The following DSN1 variants were observed in gnomAD, a reference collection of about 807,000 sequenced individuals.
The protein encoded by DSN1 is kinetochore-associated protein DSN1 homolog.
A neutral mutation model predicts 45.7 loss-of-function variants in DSN1; 31 were observed. That is an observed-to-expected ratio of 0.68 (90% confidence interval 0.51 to 0.92). DSN1 has a LOEUF of 0.92. Ranked by LOEUF, DSN1 falls within the 40% of genes least tolerant of loss-of-function variation. The pLI is 0.00. For missense variants in DSN1, 394 were observed against 414.2 expected (o/e 0.95, Z 0.42); for synonymous variants, 134 against 142.3 (o/e 0.94, Z 0.41).
intron 10 of DSN1, among the ~76,000 whole-genome samples, chr20:36,754,402 G>C (rs1215070511): frequency 6.6e-6 from 1 of 152,144 alleles, no homozygotes; most frequent in Non-Finnish European, 1.5e-5. Context: ...CAATAATTTA[G>C]GGCTGGAAGG....
At chr20:36,773,504 C>T in intron 1 of DSN1, 158 bp downstream of exon 1, 1 of 985,756 alleles carries the variant, frequency 1.0e-6, no homozygotes. Flanking sequence ...GCAGCGCCCT[C>T]GGGGACCCCC....
At chr20:36,757,036 G>C (rs1237578155) in intron 8 of DSN1, among the ~76,000 whole-genome samples, 2 of 152,094 alleles carry the variant, frequency 1.3e-5, no homozygotes, top group Non-Finnish European at 2.9e-5. Context: ...TAAAACCATG[G>C]TTTAAATGTT....
chr20:36,754,192 G>A (rs926038189), intron 10 of DSN1, among the ~76,000 whole-genome samples: 2 of 151,962 alleles, frequency 1.3e-5, no homozygotes, highest in Non-Finnish European at 2.9e-5. Context: ...GCTGGGTGTG[G>A]TGGTGGTGGT....
Position 36,752,667 on chromosome 20 carries a change from A to G in DSN1, c.*121T>C. On this transcript the variant is annotated 3_prime_UTR_variant, in exon 11 of 11. Coordinates refer to ENST00000373750, the MANE Select transcript of DSN1 (RefSeq NM_001145315.2). ...TTTTTGAAAAAAGTCAAAGTGTTCT[A>G]CAGTCAGTCCTGCCAGTTATCTTCA... The G allele has an allele frequency of 1.3e-6, 1 of 746,722 alleles. No homozygotes were observed. The highest frequency in any genetic ancestry group is 1.7e-5 in the South Asian group (1 of 58,530). The allele number at this position is 746,722 out of a possible 1,614,324, so 46.3% of individuals were successfully genotyped here. A position where few individuals can be genotyped will look rare whatever the true frequency, so the allele number is the denominator to read the frequency against.
chr20:36,760,009 C>G (rs1260173970), intron 6 of DSN1, among the ~76,000 whole-genome samples: 1 of 151,626 alleles, frequency 6.6e-6, no homozygotes, highest in East Asian at 1.9e-4. Context: ...TCTAGGAGAC[C>G]GAGGCAGGCG....
intron 6 of DSN1, among the ~76,000 whole-genome samples, chr20:36,759,180 A>G (rs1372515829): frequency 1.3e-5 from 2 of 148,606 alleles, no homozygotes; most frequent in Admixed American, 6.7e-5. Flanking sequence ...ACGGGGTTTC[A>G]CTATGTTGGC....
At chr20:36,767,824 C>T (rs550252304) in intron 4 of DSN1, 145 bp downstream of exon 4, 2 of 712,704 alleles carry the variant, frequency 2.8e-6, no homozygotes, top group South Asian at 3.3e-5. Flanking sequence ...ATCACTTGAA[C>T]CTGGGAGGCG....
chr20:36,771,083 A>T lies in DSN1; in HGVS notation c.145T>A (p.Ser49Thr). The T allele has an allele frequency of 1.2e-6, 2 of 1,614,198 alleles. No individual in the cohort carries two copies. The highest frequency in any genetic ancestry group is 1.7e-6 in the Non-Finnish European group (2 of 1,180,038). ...GAGCCAAGGTGAATTCTTTCCTCTG[A>T]AACGCCTTGATTCATCTCCAGGGAG... is the stretch of plus-strand genomic sequence containing the variant. ...SASLEMNQGV[S>T]EERIHLGSSP... Residue 49 changes from serine to threonine, a missense_variant, in exon 3 of 11, where the codon TCA (serine) becomes ACA (threonine). Ser to Thr is a moderately conservative substitution (Grantham distance 58). Coordinates refer to ENST00000373750, the MANE Select transcript of DSN1 (RefSeq NM_001145315.2).
chr20:36,758,509 TC>T, intron 7 of DSN1, 48 bp downstream of exon 7: 1 of 1,513,536 alleles, frequency 6.6e-7, no homozygotes, highest in Non-Finnish European at 9.0e-7. Flanking sequence ...TTAGTTAATT[TC>T]CCCAGATGGG....
chr20:36,762,011 A>T (rs1987011114), intron 6 of DSN1, among the ~76,000 whole-genome samples: 1 of 152,102 alleles, frequency 6.6e-6, no homozygotes, highest in Admixed American at 6.6e-5. Context: ...TCCGAATCAA[A>T]AAATAAATAA....
rs1987770258 is a variant in DSN1 at position 36,773,692 on chromosome 20, C to T, written c.-46G>A. ...ACACAAGGCCACGGGTCGCTCTCCA[C>T]AGCCCCAGGTCACTCCTGGACGCCT... On this transcript the variant is annotated 5_prime_UTR_variant, in exon 1 of 11. It adds an upstream start codon to the 5' untranslated region. Transcript: ENST00000373750. The T allele has an allele frequency of 1.7e-5, 17 of 985,600 alleles. No individual in the cohort carries two copies. The highest frequency in any genetic ancestry group is 2.0e-5 in the Non-Finnish European group (17 of 830,134). The allele number at this position is 985,600 out of a possible 1,614,324, so 61.1% of individuals were successfully genotyped here.
chr20:36,767,564 A>G (rs1987412997), intron 4 of DSN1, among the ~76,000 whole-genome samples: 1 of 151,934 alleles, frequency 6.6e-6, no homozygotes, highest in Middle Eastern at 3.2e-3. Flanking sequence ...TCAGGCATTC[A>G]AGACCAGCCT....
At chr20:36,761,736 C>A (rs994492637) in intron 6 of DSN1, among the ~76,000 whole-genome samples, 5 of 151,996 alleles carry the variant, frequency 3.3e-5, no homozygotes, top group Non-Finnish European at 7.4e-5. Context: ...ATGGCTCACA[C>A]CTATAATCTC....
chr20:36,762,403 G>T (rs1987045643), intron 6 of DSN1, 58 bp downstream of exon 6: 1 of 1,502,216 alleles, frequency 6.7e-7, no homozygotes, highest in Non-Finnish European at 9.1e-7. Flanking sequence ...AGCCACCAAC[G>T]CCCGGCCTAA....
Position 36,770,812 on chromosome 20 carries a change from AG to A in DSN1, c.355+60del. ...GCCATACCTCACTGCCTCTTATCTG[AG>A]CTGGAACCTGTCTCTTATCTGAGCT... On this transcript the variant is annotated intron_variant, in intron 3 of 10. Coordinates refer to ENST00000373750, the MANE Select transcript of DSN1 (RefSeq NM_001145315.2). 3 of 1,529,820 alleles carry A rather than the reference AG, an allele frequency of 2.0e-6. No individual in the cohort carries two copies. In the East Asian group the frequency reaches 6.8e-5, roughly 34 times the overall value. 94.8% of individuals were successfully genotyped at this position (1,529,820 alleles called of 1,614,324 possible). A position where few individuals can be genotyped will look rare whatever the true frequency, so the allele number is the denominator to read the frequency against.
intron 8 of DSN1, 98 bp from the exon 9 acceptor site, chr20:36,755,927 C>T: frequency 4.4e-6 from 6 of 1,377,162 alleles, no homozygotes; most frequent in Non-Finnish European, 6.0e-6. Flanking sequence ...TATTCCTCCA[C>T]TCTACGCTAG....
intron 1 of DSN1, among the ~76,000 whole-genome samples, chr20:36,772,138 C>A (rs556353512): frequency 6.6e-6 from 1 of 151,786 alleles, no homozygotes; most frequent in Non-Finnish European, 1.5e-5. Flanking sequence ...GCCTAGGCCT[C>A]CCAAAGTCTG....
chr20:36,762,996 C>T (rs1259813289), intron 5 of DSN1, among the ~76,000 whole-genome samples: 3 of 152,318 alleles, frequency 2.0e-5, no homozygotes, highest in East Asian at 1.9e-4. Flanking sequence ...TCCAGCGATT[C>T]GCCTGCCTCA....
rs570804793 is a variant in DSN1 at position 36,763,067 on chromosome 20, T to C, written c.503-519A>G. On this transcript the variant is annotated intron_variant, in intron 5 of 10. Coordinates refer to ENST00000373750, the MANE Select transcript of DSN1 (RefSeq NM_001145315.2). ...CTGTGCCCAGCCTTTATGACATTTA[T>C]GATAAATGTTTCTATAAATGAACTG... Among the ~76,000 whole-genome samples, 12 of 152,318 alleles carry C rather than the reference T, an allele frequency of 7.9e-5. No homozygotes were observed. In the South Asian group the frequency reaches 2.5e-3, roughly 32 times the overall value.
Sources: gnomAD v4.1 joint callset for allele counts (sites outside exome capture counted in the v4.1 genomes callset) on GRCh38, gnomAD v4.1.1 for gene constraint, MANE v1.5 for transcripts, NCBI Gene and HGNC (gene_info 2026-07-23, HGNC 2026-07-21) for gene names.